Variants in LRRC4C observed in about 807,000 individuals in gnomAD.
The protein encoded by LRRC4C is leucine rich repeat containing 4C, also known as leucine-rich repeat-containing protein 4C.
A neutral mutation model predicts 33.6 loss-of-function variants in LRRC4C; 5 were observed. That is an observed-to-expected ratio of 0.15 (90% CI 0.08 to 0.31). The LOEUF (loss-of-function observed/expected upper bound fraction) is 0.31, where lower values mean the gene tolerates loss of function less well. Among genes scored for constraint, LRRC4C ranks in the 10% least tolerant of loss-of-function variants. The pLI is 1.00. For missense variants in LRRC4C, 560 were observed against 796.7 expected, an observed-to-expected ratio of 0.70 and a Z score of 3.58; for synonymous variants, 329 against 302.0, an observed-to-expected ratio of 1.09 and a Z score of -0.93.
chr11:41,018,384 T>C (rs1439271510), intron 1 of LRRC4C, among the ~76,000 whole-genome samples: 1 of 151,346 alleles, frequency 6.6e-6, no homozygotes, highest in African/African-American at 2.4e-5. Context: ...TTTCTCCAGC[T>C]ACTTTTTGAC....
chr11:40,228,206 C>A (rs1250332172), intron 5 of LRRC4C, among the ~76,000 whole-genome samples: 2 of 152,132 alleles, frequency 1.3e-5, no homozygotes, highest in Non-Finnish European at 2.9e-5. Context: ...AGTTACGTAA[C>A]CCTCAACTAA....
chr11:41,259,202 C>T (rs1948897294), intron 1 of LRRC4C, among the ~76,000 whole-genome samples: 1 of 152,020 alleles, frequency 6.6e-6, no homozygotes, highest in Non-Finnish European at 1.5e-5. Context: ...AACTCAGAGA[C>T]CCTTTATTGA....
intron 3 of LRRC4C, among the ~76,000 whole-genome samples, chr11:40,393,939 G>C (rs1372936168): frequency 1.3e-5 from 2 of 151,584 alleles, no homozygotes; most frequent in Non-Finnish European, 2.9e-5. Context: ...TGACTCTTAA[G>C]AGAAAAAAAA....
intron 1 of LRRC4C, among the ~76,000 whole-genome samples, chr11:41,333,119 T>C (rs1022652538): frequency 6.6e-6 from 1 of 152,190 alleles, no homozygotes; most frequent in African/African-American, 2.4e-5. Flanking sequence ...TTAAGGTATT[T>C]TATACAGAAA....
intron 2 of LRRC4C, among the ~76,000 whole-genome samples, chr11:40,700,514 T>C (rs976699214): frequency 6.6e-6 from 1 of 152,156 alleles, no homozygotes; most frequent in African/African-American, 2.4e-5. Context: ...TTATCTCAAG[T>C]GATTATCACA....
chr11:41,100,022 A>G (rs956214566), intron 1 of LRRC4C, among the ~76,000 whole-genome samples: 2 of 152,166 alleles, frequency 1.3e-5, no homozygotes, highest in Non-Finnish European at 2.9e-5. Context: ...AAAAAGTACA[A>G]AAATCACTAG....
chr11:41,153,477 G>T (rs1015933248), intron 1 of LRRC4C, among the ~76,000 whole-genome samples: 1 of 152,056 alleles, frequency 6.6e-6, no homozygotes, highest in South Asian at 2.1e-4. Flanking sequence ...AAGAAACTAC[G>T]AGTAACCTCA....
At chr11:40,568,234 C>T (rs1441625947) in intron 3 of LRRC4C, among the ~76,000 whole-genome samples, 1 of 152,158 alleles carries the variant, frequency 6.6e-6, no homozygotes, top group East Asian at 1.9e-4. Flanking sequence ...CTGTGAGAAC[C>T]CCTTTGGAGA....
rs1210772400 is a variant in LRRC4C at position 41,125,967 on chromosome 11, T to C, written c.-495-192244A>G. Among the ~76,000 whole-genome samples, 9 of 152,094 alleles carry C rather than the reference T, an allele frequency of 5.9e-5. No homozygotes were observed. The East Asian group carries it at 1.5e-3, about 26-fold the overall frequency. ...TTGTGAGCTATGTAATGGGCAGGTA[T>C]AAAAGCAAAGAGAAGACTTTAAAGA... On this transcript the variant is annotated intron_variant, in intron 1 of 6. Transcript: ENST00000528697.
intron 5 of LRRC4C, among the ~76,000 whole-genome samples, chr11:40,197,296 G>A (rs2135688691): frequency 6.6e-6 from 1 of 152,198 alleles, no homozygotes; most frequent in South Asian, 2.1e-4. Flanking sequence ...CTGACCCCAT[G>A]GGAGTTTATA....
chr11:40,847,956 T>A (rs1057160116), intron 2 of LRRC4C, among the ~76,000 whole-genome samples: 25 of 152,250 alleles, frequency 1.6e-4, no homozygotes, highest in African/African-American at 5.8e-4. Context: ...GTGTTTATAG[T>A]ATTCTCTGAT....
At chr11:40,138,655 T>C (rs1202586024) in intron 6 of LRRC4C, among the ~76,000 whole-genome samples, 1 of 152,198 alleles carries the variant, frequency 6.6e-6, no homozygotes, top group African/African-American at 2.4e-5. Flanking sequence ...GGCAGTGAAT[T>C]TTGTAGGGTT....
intron 3 of LRRC4C, among the ~76,000 whole-genome samples, chr11:40,569,241 G>A (rs1255726668): frequency 2.6e-5 from 4 of 152,140 alleles, no homozygotes; most frequent in African/African-American, 7.2e-5. Context: ...AATAAAGGAT[G>A]CTATGAATGG....
At chr11:40,265,362 G>A (rs1449897637) in intron 4 of LRRC4C, among the ~76,000 whole-genome samples, 1 of 152,168 alleles carries the variant, frequency 6.6e-6, no homozygotes, top group African/African-American at 2.4e-5. Context: ...TGGGCTCTAA[G>A]AATATACATA....
chr11:41,421,921 A>C (rs1954885024), intron 1 of LRRC4C, among the ~76,000 whole-genome samples: 1 of 152,072 alleles, frequency 6.6e-6, no homozygotes, highest in African/African-American at 2.4e-5. Context: ...TAAGTGGTCC[A>C]TTATGCAGGA....
intron 5 of LRRC4C, among the ~76,000 whole-genome samples, chr11:40,189,734 G>A (rs1284780692): frequency 6.6e-6 from 1 of 152,144 alleles, no homozygotes; most frequent in Admixed American, 6.5e-5. Flanking sequence ...GAATATATGT[G>A]CCAATTTGAG....
chr11:41,042,163 G>A (rs992990878), intron 1 of LRRC4C, among the ~76,000 whole-genome samples: 2 of 152,094 alleles, frequency 1.3e-5, no homozygotes, highest in Admixed American at 6.6e-5. Flanking sequence ...CTTGTTCCAT[G>A]ATGATATATC....
chr11:40,596,912 C>T (rs1959383468), intron 3 of LRRC4C, among the ~76,000 whole-genome samples: 1 of 152,104 alleles, frequency 6.6e-6, no homozygotes, highest in East Asian at 1.9e-4. Context: ...AAATGTGGTA[C>T]ATATACCCAT....
Position 40,383,920 on chromosome 11 carries a change from A to AATTATTATTATTATTATTATT in LRRC4C, c.-269-64220_-269-64200dup, listed in dbSNP as rs143241296. Among the ~76,000 whole-genome samples the AATTATTATTATTATTATTATT allele has an allele frequency of 2.6e-3, 355 of 135,394 alleles. 1 individual carries two copies. Among genetic ancestry groups the AATTATTATTATTATTATTATT allele is most frequent in the Middle Eastern group, 3.7e-3 (1 of 270 alleles). 88.8% of individuals were successfully genotyped at this position (135,394 alleles called of 152,430 possible). A position where few individuals can be genotyped will look rare whatever the true frequency, so the allele number is the denominator to read the frequency against. On this transcript the variant is annotated intron_variant, in intron 3 of 6. Transcript: ENST00000528697. ...GGCTCCCTTGCTTATTTTTAATTCA[A>AATTATTATTATTATTATTATT]ATTATTATTATTATTATTATTATTA...
Sources: allele counts gnomAD v4.1 joint callset (sites outside exome capture counted in the v4.1 genomes callset), GRCh38; gene constraint gnomAD v4.1.1; transcripts MANE v1.5; gene names NCBI Gene and HGNC (gene_info 2026-07-23, HGNC 2026-07-21).